Variants in ASMTL observed in about 807,000 individuals in gnomAD.
ASMTL encodes acetylserotonin O-methyltransferase like.
Under a neutral mutation model 60.3 loss-of-function variants are expected in ASMTL, and 57 were observed. The observed-to-expected ratio is 0.95, with a 90% CI of 0.76 to 1.18. The LOEUF is 1.18. Ranked by LOEUF, ASMTL falls within the 50% of genes most tolerant of loss-of-function variation. The probability of loss-of-function intolerance (pLI) is 0.00; values close to 1 mark genes in which losing one functional copy is unlikely to be tolerated. For synonymous variants in ASMTL, 419 were observed against 373.0 expected (o/e 1.12, Z -1.42); for missense variants, 981 against 852.6 (o/e 1.15, Z -1.88).
At chrX:1,435,811 G>A in intron 3 of ASMTL, 53 bp from the exon 4 acceptor site, 2 of 1,477,846 alleles carry the variant, frequency 1.4e-6, no homozygotes, top group South Asian at 2.3e-5. Flanking sequence ...GGTCAGGCCT[G>A]TGCAAGTCCC....
At chrX:1,429,102 C>A (rs1448880729) in intron 6 of ASMTL, among the ~76,000 whole-genome samples, 3 of 151,736 alleles carry the variant, frequency 2.0e-5, no homozygotes, top group African/African-American at 7.3e-5. Flanking sequence ...ACCATGTTGG[C>A]CACGATGGTC....
In ASMTL at chrX:1,419,931, GGTCTCTGTCTGTCT is replaced by G. The variant is rs1481622434; in HGVS notation, c.1246-831_1246-818del. Among the ~76,000 whole-genome samples, 6 of 152,106 alleles carry G rather than the reference GGTCTCTGTCTGTCT, an allele frequency of 3.9e-5. No individual in the cohort carries two copies. In the East Asian group the frequency reaches 1.2e-3, roughly 29 times the overall value. ...TTCTCTCTCTGACTCTTTCTCCCTT[GGTCTCTGTCTGTCT>G]GTCTCTGTCTCCGTCTGTGTGTCTC... On this transcript the variant is annotated intron_variant, in intron 9 of 12. Coordinates refer to ENST00000381317, the MANE Select transcript of ASMTL (RefSeq NM_004192.4).
intron 5 of ASMTL, 99 bp downstream of exon 5, chrX:1,434,923 G>C (rs2090920163): frequency 1.5e-6 from 2 of 1,321,068 alleles, no homozygotes; most frequent in Middle Eastern, 2.5e-4. Flanking sequence ...ACAGGTGGGG[G>C]TGAGCAACCG....
chrX:1,419,646 T>C (rs1326668048), intron 9 of ASMTL, among the ~76,000 whole-genome samples: 2 of 152,054 alleles, frequency 1.3e-5, no homozygotes, highest in Non-Finnish European at 2.9e-5. Context: ...TCATCCTGGC[T>C]CAGTGCTGTG....
At chrX:1,453,134 C>G (rs1446152525), upstream of ASMTL, among the ~76,000 whole-genome samples, 1 of 151,234 alleles carries the variant, frequency 6.6e-6, no homozygotes. Flanking sequence ...GAGACCACGC[C>G]CAGACCACGC....
chrX:1,417,343 G>A (rs28971766), intron 11 of ASMTL, among the ~76,000 whole-genome samples: 141,045 of 151,168 alleles, frequency 0.93, 66,338 homozygotes, highest in East Asian at 1. Context: ...ATATCCACAC[G>A]GATGCACACA....
intron 8 of ASMTL, among the ~76,000 whole-genome samples, chrX:1,422,930 T>A (rs111966037): frequency 1.3e-5 from 2 of 152,042 alleles, no homozygotes; most frequent in Middle Eastern, 3.4e-3. Flanking sequence ...TTTCTCCATA[T>A]TCATCATTAT....
rs766671496 is a variant in ASMTL, at chrX:1,428,804, C to T, written c.510-683G>A. Among the ~76,000 whole-genome samples, 75 of 146,276 alleles carry T rather than the reference C, an allele frequency of 5.1e-4. 1 individual carries two copies. Among genetic ancestry groups the T allele is most frequent in the Admixed American group, 1.4e-3 (19 of 14,012 alleles). The stretch of plus-strand genomic sequence containing the variant: ...GGGAGAAGACTTCAGATCTAGTGTG[C>T]TGGCAATTTACCAGTAAGACACTGT... On this transcript the variant is annotated intron_variant, in intron 6 of 12. Transcript: ENST00000381317.
At chrX:1,431,542 TAATA>T (rs1254011728) in intron 6 of ASMTL, among the ~76,000 whole-genome samples, 7 of 141,560 alleles carry the variant, frequency 4.9e-5, no homozygotes, top group Non-Finnish European at 1.1e-4. Context: ...TCAAAAGTGT[TAATA>T]TATAATCTAT....
intron 4 of ASMTL, 114 bp from the exon 5 acceptor site, chrX:1,435,197 C>T (rs2090927877): frequency 2.8e-6 from 3 of 1,084,144 alleles, no homozygotes; most frequent in Non-Finnish European, 4.2e-6. Context: ...GGATCCGTCC[C>T]CAGCATCTTC....
chrX:1,447,041 C>T (rs2091243570), intron 1 of ASMTL, among the ~76,000 whole-genome samples: 1 of 152,174 alleles, frequency 6.6e-6, no homozygotes, highest in Non-Finnish European at 1.5e-5. Flanking sequence ...AACCCAAGTT[C>T]TGCTTTCTTA....
chrX:1,433,990 A>T (rs2090888319), intron 5 of ASMTL, among the ~76,000 whole-genome samples: 3 of 152,276 alleles, frequency 2.0e-5, no homozygotes, highest in Admixed American at 6.5e-5. Context: ...TACAGGTGTG[A>T]CCAGGGATAT....
At chrX:1,423,142 C>T (rs6644889) in intron 8 of ASMTL, among the ~76,000 whole-genome samples, 101 of 152,116 alleles carry the variant, frequency 6.6e-4, no homozygotes, top group Admixed American at 1.2e-3. Flanking sequence ...TTAGTAGAGA[C>T]GGGGTTTCAC....
intron 6 of ASMTL, among the ~76,000 whole-genome samples, chrX:1,431,734 A>G (rs1331191560): frequency 4.0e-5 from 6 of 150,222 alleles, no homozygotes; most frequent in Admixed American, 6.7e-5. Context: ...ATATCATGTT[A>G]CATTATATAA....
chrX:1,421,938 C>CTCA, intron 8 of ASMTL, 96 bp from the exon 9 acceptor site: 3 of 1,189,738 alleles, frequency 2.5e-6, no homozygotes, highest in Non-Finnish European at 3.7e-6. Context: ...AAATAAACAT[C>CTCA]ACCCATCTGA....
intron 12 of ASMTL, among the ~76,000 whole-genome samples, chrX:1,407,739 G>A (rs1471627277): frequency 5.9e-5 from 9 of 151,738 alleles, no homozygotes; most frequent in African/African-American, 2.2e-4. Flanking sequence ...TTTTAAAAAA[G>A]GATGATAGAT....
intron 4 of ASMTL, 70 bp downstream of exon 4, chrX:1,435,624 C>A: frequency 6.7e-7 from 1 of 1,498,852 alleles, no homozygotes; most frequent in Non-Finnish European, 9.3e-7. Flanking sequence ...CCCCAGGACA[C>A]CCGGCCAGAT....
intron 5 of ASMTL, among the ~76,000 whole-genome samples, chrX:1,433,328 T>G (rs1246719980): frequency 3.3e-5 from 5 of 151,474 alleles, no homozygotes; most frequent in Non-Finnish European, 5.9e-5. Context: ...AGATGGAGTT[T>G]GCTCCCCAGT....
At chrX:1,417,106 A>G (rs1446058210) in intron 11 of ASMTL, among the ~76,000 whole-genome samples, 2 of 150,478 alleles carry the variant, frequency 1.3e-5, no homozygotes, top group Non-Finnish European at 3.0e-5. Context: ...CACACAGACA[A>G]GCACACCCAG....
Sources: gnomAD v4.1 joint callset for allele counts (sites outside exome capture counted in the v4.1 genomes callset) on GRCh38, gnomAD v4.1.1 for gene constraint, MANE v1.5 for transcripts, NCBI Gene and HGNC (gene_info 2026-07-23, HGNC 2026-07-21) for gene names.